DUSP16: variants seen among roughly 807,000 people sequenced by gnomAD.
DUSP16 encodes dual specificity phosphatase 16.
Under a neutral mutation model 58.3 loss-of-function variants are expected in DUSP16, and 21 were observed. That is an observed-to-expected ratio of 0.36 (90% CI 0.26 to 0.52). The LOEUF is 0.52. Among genes scored for constraint, DUSP16 ranks in the 20% least tolerant of loss-of-function variants. The pLI, the probability that DUSP16 is intolerant of heterozygous loss-of-function variation, is 0.94. For missense variants in DUSP16, 726 were observed against 819.0 expected, an observed-to-expected ratio of 0.89 and a Z score of 1.39; for synonymous variants, 320 against 323.8, an observed-to-expected ratio of 0.99 and a Z score of 0.12.
chr12:12,559,452 A>G (rs183942876), intron 1 of DUSP16, among the ~76,000 whole-genome samples: 3 of 152,330 alleles, frequency 2.0e-5, no homozygotes, highest in African/African-American at 7.2e-5. Flanking sequence ...AGTTCACCCT[A>G]TATTAATTTA....
At chr12:12,545,954 T>C (rs1368080481) in intron 1 of DUSP16, among the ~76,000 whole-genome samples, 1 of 152,188 alleles carries the variant, frequency 6.6e-6, no homozygotes, top group Non-Finnish European at 1.5e-5. Flanking sequence ...ACCAATCTAA[T>C]ATTTAATATG....
intron 1 of DUSP16, among the ~76,000 whole-genome samples, chr12:12,556,709 A>T: frequency 6.6e-6 from 1 of 152,336 alleles, no homozygotes; most frequent in Non-Finnish European, 1.5e-5. Context: ...GTTGACCACT[A>T]TGAAGGACAT....
intron 4 of DUSP16, among the ~76,000 whole-genome samples, chr12:12,496,900 A>G (rs1474719717): frequency 2.6e-5 from 4 of 152,300 alleles, no homozygotes; most frequent in African/African-American, 9.6e-5. Context: ...GGTACCGATG[A>G]CCTCTTATGG....
chr12:12,542,048 C>T (rs1036768694), intron 1 of DUSP16, among the ~76,000 whole-genome samples: 1 of 152,086 alleles, frequency 6.6e-6, no homozygotes, highest in Admixed American at 6.5e-5. Context: ...AACTAGATAC[C>T]AAAGACCACA....
At chr12:12,545,586 C>T (rs1358713700) in intron 1 of DUSP16, among the ~76,000 whole-genome samples, 1 of 152,010 alleles carries the variant, frequency 6.6e-6, no homozygotes, top group African/African-American at 2.4e-5. Flanking sequence ...CTGGCCACTA[C>T]ATTTATTTTT....
rs764646478 is a variant in DUSP16 at position 12,548,047 on chromosome 12, T to C, written c.-366+14070A>G. On this transcript the variant is annotated intron_variant, in intron 1 of 6. Transcript: ENST00000298573. ...CCAGTAATAGCAGAAGAAGCAGAGA[T>C]GACAGTTACTGTACTCCACTCACTC... Among the ~76,000 whole-genome samples, 50 of 152,302 alleles carry C rather than the reference T, an allele frequency of 3.3e-4. 1 individual carries two copies. The highest frequency in any genetic ancestry group is 6.2e-4 in the Non-Finnish European group (42 of 68,026).
chr12:12,560,936 A>C (rs1472414458), intron 1 of DUSP16: 1 of 149,486 alleles, frequency 6.7e-6, no homozygotes. Flanking sequence ...TTTTGCATGG[A>C]TGGTAAATTT....
rs181479451 is a variant in DUSP16, at chr12:12,547,497, T to C, written c.-366+14620A>G. On this transcript the variant is annotated intron_variant, in intron 1 of 6. Transcript: ENST00000298573. ...GAAAATACATTGTCCAATGAACTTT[T>C]CACCTTCTACTTCCTTATGACTGTG... Among the ~76,000 whole-genome samples the C allele has an allele frequency of 2.1e-3, 302 of 146,122 alleles. 1 individual carries two copies. Among genetic ancestry groups the C allele is most frequent in the African/African-American group, 7.1e-3 (280 of 39,574 alleles).
chr12:12,548,630 CAAA>C (rs898316799), intron 1 of DUSP16, among the ~76,000 whole-genome samples: 1 of 63,384 alleles, frequency 1.6e-5, no homozygotes, highest in African/African-American at 6.3e-5. Flanking sequence ...GACTCTGTCT[CAAA>C]AAAAAAAAAA....
chr12:12,539,984 T>C (rs1213489294), intron 1 of DUSP16, among the ~76,000 whole-genome samples: 1 of 151,764 alleles, frequency 6.6e-6, no homozygotes, highest in Non-Finnish European at 1.5e-5. Context: ...GAACTTGGGA[T>C]GTGGAGGTTG....
intron 1 of DUSP16, chr12:12,554,522 A>G (rs1314252454): frequency 6.6e-6 from 1 of 152,232 alleles, no homozygotes; most frequent in Non-Finnish European, 1.5e-5. Flanking sequence ...AAAAAATAAC[A>G]AACTCCAACT....
intron 1 of DUSP16, among the ~76,000 whole-genome samples, chr12:12,560,260 A>G (rs1944877774): frequency 6.6e-6 from 1 of 152,122 alleles, no homozygotes; most frequent in Non-Finnish European, 1.5e-5. Flanking sequence ...ATTAATTACC[A>G]CAGTTTACAT....
chr12:12,508,880 TC>T (rs1241582794), intron 3 of DUSP16, among the ~76,000 whole-genome samples: 3 of 152,044 alleles, frequency 2.0e-5, no homozygotes, highest in Non-Finnish European at 4.4e-5. Flanking sequence ...AGCAGACAAA[TC>T]ACTAAACACT....
At position 12,473,615 on chromosome 12, in the gene DUSP16, C is replaced by T. The variant is rs1044040980; in HGVS notation, c.*3218G>A. Among the ~76,000 whole-genome samples, 3 of 152,184 alleles carry T rather than the reference C, an allele frequency of 2.0e-5. No homozygotes were observed. Among genetic ancestry groups the T allele is most frequent in the Non-Finnish European group, 4.4e-5 (3 of 68,036 alleles). ...TAAATTTTCTTAAATGTAACTTCAACTCAACCAACTTCAAGGTCACCTGTG... is the reference window on the plus strand; with the variant it reads ...TAAATTTTCTTAAATGTAACTTCAATTCAACCAACTTCAAGGTCACCTGTG... On this transcript the variant is annotated 3_prime_UTR_variant, in exon 7 of 7. Transcript: ENST00000298573.
rs1157465995 is a variant in DUSP16 at position 12,477,115 on chromosome 12, G to A, written c.1716C>T (p.Ile572=). The A allele has an allele frequency of 1.2e-6, 2 of 1,614,266 alleles. No individual in the cohort carries two copies. Among genetic ancestry groups the A allele is most frequent in the South Asian group, 1.1e-5 (1 of 91,086 alleles). The change falls in exon 7 of 7, where the codon ATC becomes ATT. Residue 572 remains isoleucine (I), a synonymous_variant. Transcript: ENST00000298573. The surrounding 1 kb of genome is among the most constrained non-coding windows in gnomAD (Gnocchi z 4.1). ...CAGAGTAACTGGCACTGCCTCCGTA[G>A]ATGGCTGAGGCAGAGTAGAAGTGTG... ...ESSHFYSASA[I]YGGSASYSAY...
chr12:12,511,022 A>C (rs1036530234), intron 3 of DUSP16, among the ~76,000 whole-genome samples: 2 of 152,224 alleles, frequency 1.3e-5, no homozygotes, highest in Non-Finnish European at 2.9e-5. Context: ...ATCAGTTAAA[A>C]ATTTTGTAAC....
chr12:12,523,935 A>G (rs1414134755), intron 1 of DUSP16, among the ~76,000 whole-genome samples: 3 of 152,238 alleles, frequency 2.0e-5, no homozygotes, highest in Non-Finnish European at 4.4e-5. Context: ...GAACAAGAGC[A>G]AGTTGATTCC....
At chr12:12,486,087 C>A (rs1943677794) in intron 5 of DUSP16, among the ~76,000 whole-genome samples, 1 of 152,104 alleles carries the variant, frequency 6.6e-6, no homozygotes, top group Non-Finnish European at 1.5e-5. Context: ...CCCACCGCGC[C>A]TGGCCAATTC....
rs73293635 is a variant in DUSP16, at chr12:12,537,901, A to C, written c.-365-16438T>G. 4.0e-3 allele frequency among the ~76,000 whole-genome samples: 602 copies of C among 152,306 alleles called. 9 individuals carry two copies. The highest frequency in any genetic ancestry group is 0.014 in the African/African-American group (567 of 41,558). On this transcript the variant is annotated intron_variant, in intron 1 of 6. Coordinates refer to ENST00000298573, the MANE Select transcript of DUSP16 (RefSeq NM_030640.3). ...TCTATAAAACTCCAGGAAAAAAATTAAATGAGTTAGTAGAATATATATATA... is the reference window on the plus strand; with the variant it reads ...TCTATAAAACTCCAGGAAAAAAATTCAATGAGTTAGTAGAATATATATATA...
Sources: gnomAD v4.1 joint callset for allele counts (sites outside exome capture counted in the v4.1 genomes callset) on GRCh38, gnomAD v4.1.1 for gene constraint, Gnocchi (gnomAD v3.1) non-coding constraint, MANE v1.5 for transcripts, NCBI Gene and HGNC (gene_info 2026-07-23, HGNC 2026-07-21) for gene names.